LAMC3: variants seen among roughly 807,000 people sequenced by gnomAD.
LAMC3 encodes laminin subunit gamma 3, also known as laminin subunit gamma-3.
In LAMC3, 128 loss-of-function variants were observed where a neutral mutation model predicts 173.8. The ratio of observed to expected loss-of-function variants is 0.74; its 90% CI spans 0.64 to 0.85. LAMC3 has a LOEUF of 0.85. Ranked by LOEUF, LAMC3 falls within the 40% of genes least tolerant of loss-of-function variation. The probability of loss-of-function intolerance (pLI) is 0.00; values close to 1 mark genes in which losing one functional copy is unlikely to be tolerated. For synonymous variants in LAMC3, 897 were observed against 909.1 expected (o/e 0.99, Z 0.24); for missense variants, 2,022 against 2,156.0 (o/e 0.94, Z 1.23).
chr9:131,079,659 A>C (rs1210125680), intron 23 of LAMC3, among the ~76,000 whole-genome samples: 1 of 151,984 alleles, frequency 6.6e-6, no homozygotes, highest in African/African-American at 2.4e-5. Context: ...GCGCCACTGC[A>C]CTCCAGTCTG....
intron 25 of LAMC3, among the ~76,000 whole-genome samples, chr9:131,086,613 T>A (rs1205948172): frequency 9.0e-6 from 1 of 111,468 alleles, no homozygotes. Flanking sequence ...CTCGGCCAGG[T>A]GTGGTGGCTA....
intron 1 of LAMC3, among the ~76,000 whole-genome samples, chr9:131,014,388 G>A (rs1833481856): frequency 6.6e-6 from 1 of 152,220 alleles, no homozygotes; most frequent in South Asian, 2.1e-4. Flanking sequence ...TGAGCCCTGG[G>A]GATGTCTGTC....
In LAMC3 at chr9:131,061,130, T is replaced by G; in HGVS notation, c.2254T>G (p.Cys752Gly). The change falls in exon 13 of 28, where the codon TGC becomes GGC. Residue 752 changes from cysteine (C) to glycine (G), a missense_variant. Coordinates refer to ENST00000361069, the MANE Select transcript of LAMC3 (RefSeq NM_006059.4). ...CCCTTTCGCGGGCCAAGCCGACGAC[T>G]GCCAGCCCTGTCCCTGCCCTGGCCA... ...GNPFAGQADD[C>G]QPCPCPGQSA... 6.2e-7 allele frequency: 1 copy of G among 1,613,786 alleles called. No individual in the cohort carries two copies. Among genetic ancestry groups the G allele is most frequent in the Non-Finnish European group, 8.5e-7 (1 of 1,180,024 alleles).
chr9:131,021,904 G>A (rs1833632482), intron 1 of LAMC3, among the ~76,000 whole-genome samples: 1 of 152,108 alleles, frequency 6.6e-6, no homozygotes, highest in South Asian at 2.1e-4. Context: ...GTGAAGGGAC[G>A]GGAGCTTCCA....
rs545672847 is a variant in LAMC3, at chr9:131,092,411, C to T, written c.*624C>T. On this transcript the variant is annotated 3_prime_UTR_variant, in exon 28 of 28. Transcript: ENST00000361069. Reference sequence around the variant, plus strand: ...TCGACACAGCCAGGGGACCAACAGGCCAAGAAATGCAAGATCCCGGGAGGG... The same window carrying T: ...TCGACACAGCCAGGGGACCAACAGGTCAAGAAATGCAAGATCCCGGGAGGG... 16 of 153,762 alleles carry T rather than the reference C, an allele frequency of 1.0e-4. No homozygotes were observed. In the South Asian group the frequency reaches 3.1e-3, roughly 30 times the overall value. The allele number at this position is 153,762 out of a possible 1,614,324, so 9.5% of individuals were successfully genotyped here. A position where few individuals can be genotyped will look rare whatever the true frequency, so the allele number is the denominator to read the frequency against.
intron 1 of LAMC3, among the ~76,000 whole-genome samples, chr9:131,012,645 C>CA (rs1290039477): frequency 6.6e-6 from 1 of 152,244 alleles, no homozygotes; most frequent in African/African-American, 2.4e-5. Context: ...CCATGGCTTG[C>CA]ATAATAGCGG....
intron 9 of LAMC3, among the ~76,000 whole-genome samples, chr9:131,052,133 G>A (rs1280738492): frequency 5.9e-5 from 9 of 152,192 alleles, no homozygotes; most frequent in Non-Finnish European, 1.3e-4. Context: ...CATGGGCATC[G>A]TGAATGCTAC....
At chr9:131,058,039 C>T (rs1318625747) in intron 12 of LAMC3, among the ~76,000 whole-genome samples, 2 of 152,196 alleles carry the variant, frequency 1.3e-5, no homozygotes, top group Admixed American at 1.3e-4. Flanking sequence ...AGCCGTGCCT[C>T]CCTCCAGCCT....
At chr9:131,075,757 AG>A (rs1830114780) in intron 20 of LAMC3, 73 bp from the exon 21 acceptor site, 15 of 1,512,168 alleles carry the variant, frequency 9.9e-6, no homozygotes, top group Non-Finnish European at 1.3e-5. Context: ...CCTGTGTAGT[AG>A]GGGGCGTAGT....
intron 25 of LAMC3, among the ~76,000 whole-genome samples, chr9:131,086,925 A>G (rs979538676): frequency 8.6e-5 from 13 of 151,022 alleles, no homozygotes; most frequent in African/African-American, 2.4e-4. Context: ...GGGTCTCACT[A>G]TGTTGCCCAG....
intron 11 of LAMC3, among the ~76,000 whole-genome samples, chr9:131,055,715 G>A (rs560763752): frequency 2.3e-4 from 34 of 151,032 alleles, no homozygotes; most frequent in African/African-American, 6.1e-4. Context: ...TCGAGCCACC[G>A]CGCCCGGCCC....
Position 131,032,089 on chromosome 9 carries a change from C to T in LAMC3, c.723C>T (p.Leu241=), listed in dbSNP as rs1309625375. 1 of 1,614,176 alleles carries T rather than the reference C, an allele frequency of 6.2e-7. No homozygotes were observed. Among genetic ancestry groups the T allele is most frequent in the East Asian group, 2.2e-5 (1 of 44,880 alleles). Residue 241 remains leucine, a synonymous_variant, in exon 3 of 28, where the codon CTC becomes CTT. Coordinates refer to ENST00000361069, the MANE Select transcript of LAMC3 (RefSeq NM_006059.4). ...AACTCCTCATCTCTCTAGACCGGCT[C>T]AACACGTTTGGGGACGACATCTTCA... is the stretch of plus-strand genomic sequence containing the variant. The part of the protein sequence containing the change: ...STELLISLDR[L]NTFGDDIFKD...
intron 13 of LAMC3, among the ~76,000 whole-genome samples, chr9:131,063,371 G>C (rs995755497): frequency 6.6e-6 from 1 of 152,244 alleles, no homozygotes; most frequent in African/African-American, 2.4e-5. Context: ...AGTTAGAGAA[G>C]CTCAGGTGGA....
chr9:131,057,184 T>A, intron 12 of LAMC3, 37 bp downstream of exon 12: 1 of 1,576,038 alleles, frequency 6.3e-7, no homozygotes, highest in Non-Finnish European at 8.7e-7. Flanking sequence ...GGCACCTGGG[T>A]TATACCCAAA....
intron 27 of LAMC3, among the ~76,000 whole-genome samples, 176 bp downstream of exon 27, chr9:131,087,993 C>T (rs1033888313): frequency 1.3e-4 from 20 of 152,208 alleles, no homozygotes; most frequent in Admixed American, 1.2e-3. Flanking sequence ...GGCCCCCTTG[C>T]CATGTGGGAC....
At chr9:131,035,100 G>A (rs1384776541) in intron 3 of LAMC3, among the ~76,000 whole-genome samples, 5 of 152,210 alleles carry the variant, frequency 3.3e-5, no homozygotes, top group Non-Finnish European at 5.9e-5. Flanking sequence ...ATAGGCATGC[G>A]CTGCCACACC....
intron 9 of LAMC3, among the ~76,000 whole-genome samples, chr9:131,049,704 C>T (rs1399663556): frequency 6.6e-6 from 1 of 152,202 alleles, no homozygotes; most frequent in Non-Finnish European, 1.5e-5. Flanking sequence ...TCTTCAGTGC[C>T]ACAGGGCCAT....
At position 131,038,613 on chromosome 9, in the gene LAMC3, T is replaced by G. The variant is rs56240539; in HGVS notation, c.977-251T>G. Among the ~76,000 whole-genome samples, 751 of 152,286 alleles carry G rather than the reference T, an allele frequency of 4.9e-3. 8 individuals carry two copies. Among genetic ancestry groups the G allele is most frequent in the African/African-American group, 0.017 (707 of 41,554 alleles). On this transcript the variant is annotated intron_variant, in intron 4 of 27. Coordinates refer to ENST00000361069, the MANE Select transcript of LAMC3 (RefSeq NM_006059.4). ...TATATCCTTGTTGCCTGGGATGGTCTTCTTTCTGCCTGTTGTTTTGGTGTA... is the reference window on the plus strand; with the variant it reads ...TATATCCTTGTTGCCTGGGATGGTCGTCTTTCTGCCTGTTGTTTTGGTGTA...
At position 131,052,678 on chromosome 9, in the gene LAMC3, G is replaced by A. The variant is rs138907739; in HGVS notation, c.1818G>A (p.Arg606=). ...GGCATCCCAGGGAGGTAGAGCTCAG[G>A]TTCCAGTAAGTATCCCCTTCTGTCC... ...DAGHPREVEL[R]FHLQETSEDV... Residue 606 remains arginine, a synonymous_variant, in exon 10 of 28, where the codon AGG becomes AGA. Coordinates refer to ENST00000361069, the MANE Select transcript of LAMC3 (RefSeq NM_006059.4). The A allele has an allele frequency of 1.2e-6, 2 of 1,613,152 alleles. No homozygotes were observed. The highest frequency in any genetic ancestry group is 1.7e-5 in the Admixed American group (1 of 59,968).
Sources: allele counts gnomAD v4.1 joint callset (sites outside exome capture counted in the v4.1 genomes callset), GRCh38; gene constraint gnomAD v4.1.1; transcripts MANE v1.5; gene names NCBI Gene and HGNC (gene_info 2026-07-23, HGNC 2026-07-21).